The following CRABP2 variants were observed in gnomAD, a reference collection of about 807,000 sequenced individuals.
CRABP2 encodes the protein cellular retinoic acid binding protein 2.
Under a neutral mutation model 17.9 loss-of-function variants are expected in CRABP2, and 20 were observed. The ratio of observed to expected loss-of-function variants is 1.12; its 90% confidence interval spans 0.79 to 1.63. CRABP2 has a LOEUF of 1.63. Ranked by LOEUF, CRABP2 falls within the 40% of genes most tolerant of loss-of-function variation. The pLI, the probability that CRABP2 is intolerant of heterozygous loss-of-function variation, is 0.00. For synonymous variants in CRABP2, 76 were observed against 66.4 expected, an observed-to-expected ratio of 1.14 and a Z score of -0.70; for missense variants, 151 against 168.6, an observed-to-expected ratio of 0.90 and a Z score of 0.58.
chr1:156,702,456 C>CA (rs1458900769), intron 1 of CRABP2, among the ~76,000 whole-genome samples: 16 of 145,976 alleles, frequency 1.1e-4, no homozygotes, highest in African/African-American at 3.5e-4. Flanking sequence ...GACTCCATCT[C>CA]AAAAAAAACA....
Position 156,699,876 on chromosome 1 carries a change from C to A in CRABP2, c.*150G>T, listed in dbSNP as rs1450342531. On this transcript the variant is annotated 3_prime_UTR_variant, in exon 4 of 4. Transcript: ENST00000368222. ...AGAGAAGAGGTCAAAGAAAGCAAGACCCTGCAAGAGGCATCCCAGTGACCC... is the reference window on the plus strand; with the variant it reads ...AGAGAAGAGGTCAAAGAAAGCAAGAACCTGCAAGAGGCATCCCAGTGACCC... 4.1e-6 allele frequency: 3 copies of A among 726,138 alleles called. No individual in the cohort carries two copies. The highest frequency in any genetic ancestry group is 5.5e-5 in the East Asian group (2 of 36,222). The allele number at this position is 726,138 out of a possible 1,614,324, so 45.0% of individuals were successfully genotyped here.
In CRABP2 at chr1:156,705,159, GT is replaced by G. The variant is rs1648156931; in HGVS notation, c.70+217del. Among the ~76,000 whole-genome samples, 1 of 152,242 alleles carries G rather than the reference GT, an allele frequency of 6.6e-6. No individual in the cohort carries two copies. The highest frequency in any genetic ancestry group is 2.4e-5 in the African/African-American group (1 of 41,478). ...TTTCTACGTGATTCACAGGCCGTGA[GT>G]CACCGCAGTGTTGGCACCGGTGGGC... On this transcript the variant is annotated intron_variant, in intron 1 of 3. Transcript: ENST00000368222. The surrounding 1 kb of genome is among the most constrained non-coding windows in gnomAD (Gnocchi z 5.2).
chr1:156,702,098 C>A (rs1648054396), intron 1 of CRABP2, among the ~76,000 whole-genome samples: 1 of 151,782 alleles, frequency 6.6e-6, no homozygotes, highest in Non-Finnish European at 1.5e-5. Flanking sequence ...TTGTAATGAA[C>A]CGAGATCATA....
At position 156,701,020 on chromosome 1, in the gene CRABP2, C is replaced by A; in HGVS notation, c.103G>T (p.Ala35Ser). 3.1e-6 allele frequency: 5 copies of A among 1,614,136 alleles called. No homozygotes were observed. Among genetic ancestry groups the A allele is most frequent in the Non-Finnish European group, 4.2e-6 (5 of 1,180,020 alleles). Reference sequence around the variant, plus strand: ...TCCACTGCTGGCTTGGACGCTGCAGCCACAGCAATCTTCCTCAGCATCACA... The same window carrying A: ...TCCACTGCTGGCTTGGACGCTGCAGACACAGCAATCTTCCTCAGCATCACA... ...VNVMLRKIAVAAASKPAVEIK... is the reference protein window; with the variant it reads ...VNVMLRKIAVSAASKPAVEIK... Residue 35 changes from alanine to serine, a missense_variant, in exon 2 of 4, where the codon GCT becomes TCT. Ala to Ser is a moderately conservative substitution (Grantham distance 99, BLOSUM62 1). Coordinates refer to ENST00000368222, the MANE Select transcript of CRABP2 (RefSeq NM_001878.4).
intron 3 of CRABP2, among the ~76,000 whole-genome samples, 197 bp from the exon 4 acceptor site, chr1:156,700,273 GTCC>G (rs1647988695): frequency 6.6e-6 from 1 of 152,068 alleles, no homozygotes; most frequent in Non-Finnish European, 1.5e-5. Flanking sequence ...CCTGGGGCCC[GTCC>G]TCCTCCTCAA....
In CRABP2 at chr1:156,700,798, A is replaced by G. The variant is rs141866388; in HGVS notation, c.249+76T>C. The stretch of plus-strand genomic sequence containing the variant: ...TGGGACAGAGAGAAGCTAGGAGTTA[A>G]CTGCTAGCCTGGAAAATGGCAGGTT... On this transcript the variant is annotated intron_variant, in intron 2 of 3. Transcript: ENST00000368222. The G allele has an allele frequency of 8.9e-4, 1,391 of 1,564,384 alleles. 18 individuals carry two copies. In the African/African-American group the frequency reaches 0.017, roughly 19 times the overall value.
In CRABP2 at chr1:156,699,961, G is replaced by T; in HGVS notation, c.*65C>A. ...AGAAGGAGGGGGTGGGACGGAGGGG[G>T]CAGTGAAGCAGGGCGGTGAGCATGG... On this transcript the variant is annotated 3_prime_UTR_variant, in exon 4 of 4. Transcript: ENST00000368222. 3.9e-6 allele frequency: 6 copies of T among 1,528,582 alleles called. No individual in the cohort carries two copies. The highest frequency in any genetic ancestry group is 5.4e-6 in the Non-Finnish European group (6 of 1,116,126). 94.7% of individuals were successfully genotyped at this position (1,528,582 alleles called of 1,614,324 possible).
chr1:156,705,749 G>A (rs1648176792), upstream of CRABP2: 7 of 367,918 alleles, frequency 1.9e-5, no homozygotes, highest in East Asian at 2.6e-4. This position sits in a 1 kb window ranked among gnomAD's most constrained non-coding sequence, Gnocchi z 5.2. Flanking sequence ...CTTCTCTGGG[G>A]ACCGAGATAG....
intron 1 of CRABP2, among the ~76,000 whole-genome samples, chr1:156,701,584 A>G (rs1468545441): frequency 6.6e-6 from 1 of 151,946 alleles, no homozygotes; most frequent in Non-Finnish European, 1.5e-5. Context: ...TTTTTGCCCT[A>G]TCTACCCACC....
Position 156,700,646 on chromosome 1 carries a change from A to C in CRABP2, c.262T>G (p.Trp88Gly), listed in dbSNP as rs1232932071. The C allele has an allele frequency of 6.2e-7, 1 of 1,613,784 alleles. No homozygotes were observed. Among genetic ancestry groups the C allele is most frequent in the African/African-American group, 1.3e-5 (1 of 74,872 alleles). The change falls in exon 3 of 4, where the codon TGG becomes GGG. Residue 88 changes from tryptophan to glycine, a missense_variant. Physicochemically the swap from Trp to Gly is radical, Grantham distance 184. Coordinates refer to ENST00000368222, the MANE Select transcript of CRABP2 (RefSeq NM_001878.4). ...CAGACCATTTTATTCTCACTCTCCC[A>C]TTTCACCAGGCTCTGCAAGAGACAG... is the stretch of plus-strand genomic sequence containing the variant. ...DGRPCKSLVK[W>G]ESENKMVCEQ...
Position 156,699,686 on chromosome 1 carries a change from G to T in CRABP2, c.*340C>A. 3.3e-6 allele frequency: 1 copy of T among 299,692 alleles called. No individual in the cohort carries two copies. Among genetic ancestry groups the T allele is most frequent in the South Asian group, 8.9e-5 (1 of 11,178 alleles). The allele number at this position is 299,692 out of a possible 1,614,324, so 18.6% of individuals were successfully genotyped here. ...TAGGCTACAGGGACAAAGGGTAGAA[G>T]CTAGAGGGCCAGTCTTTCCTGCTCA... On this transcript the variant is annotated 3_prime_UTR_variant, in exon 4 of 4. Transcript: ENST00000368222.
chr1:156,701,249 G>A (rs532270904), intron 1 of CRABP2, among the ~76,000 whole-genome samples, 197 bp from the exon 2 acceptor site: 2 of 152,220 alleles, frequency 1.3e-5, no homozygotes, highest in East Asian at 3.9e-4. Context: ...TGAAAGATGA[G>A]GGGGTTTAGG....
chr1:156,700,810 G>A, intron 2 of CRABP2, 64 bp downstream of exon 2: 1 of 1,578,750 alleles, frequency 6.3e-7, no homozygotes, highest in Non-Finnish European at 8.7e-7. Context: ...TGCTAGCCTG[G>A]AAAATGGCAG....
intron 1 of CRABP2, 149 bp from the exon 2 acceptor site, chr1:156,701,201 A>C (rs1648022778): frequency 1.3e-6 from 1 of 782,752 alleles, no homozygotes. Context: ...TGGGTGTCTA[A>C]GAAAGTGCCT....
At position 156,701,013 on chromosome 1, in the gene CRABP2, G is replaced by A. The variant is rs949095538; in HGVS notation, c.110C>T (p.Ala37Val). ...VMLRKIAVAA[A>V]SKPAVEIKQE... ...TTTGATCTCCACTGCTGGCTTGGACGCTGCAGCCACAGCAATCTTCCTCAG... is the reference window on the plus strand; with the variant it reads ...TTTGATCTCCACTGCTGGCTTGGACACTGCAGCCACAGCAATCTTCCTCAG... Residue 37 changes from alanine to valine, a missense_variant, in exon 2 of 4, where the codon GCG (alanine) becomes GTG (valine). Coordinates refer to ENST00000368222, the MANE Select transcript of CRABP2 (RefSeq NM_001878.4). The A allele has an allele frequency of 1.3e-5, 21 of 1,614,000 alleles. No individual in the cohort carries two copies. Among genetic ancestry groups the A allele is most frequent in the South Asian group, 2.2e-5 (2 of 91,086 alleles).
Position 156,700,882 on chromosome 1 carries a change from G to T in CRABP2, c.241C>A (p.Pro81Thr), listed in dbSNP as rs775137730. The change falls in exon 2 of 4, where the codon CCC (proline) becomes ACC (threonine). Residue 81 changes from proline (P) to threonine (T), a missense_variant. By Grantham distance (38) the Pro-to-Thr change is conservative (BLOSUM62 -1). Coordinates refer to ENST00000368222, the MANE Select transcript of CRABP2 (RefSeq NM_001878.4). ...CCCCTTCTGGCACTCACCTTACAGGGCCTCCCATCCACAGTCTGCTCCTCA... is the reference window on the plus strand; with the variant it reads ...CCCCTTCTGGCACTCACCTTACAGGTCCTCCCATCCACAGTCTGCTCCTCA... ...EFEEQTVDGR[P>T]CKSLVKWESE... 9 of 1,613,554 alleles carry T rather than the reference G, an allele frequency of 5.6e-6. No individual in the cohort carries two copies. In the South Asian group the frequency reaches 8.8e-5, roughly 16 times the overall value.
At chr1:156,700,697 C>G in intron 2 of CRABP2, 39 bp from the exon 3 acceptor site, 1 of 1,579,662 alleles carries the variant, frequency 6.3e-7, no homozygotes, top group Admixed American at 1.7e-5. Context: ...GGGCCCATAG[C>G]AGGGGCAATG....
Position 156,700,464 on chromosome 1 carries a change from C to T in CRABP2, c.366+78G>A, listed in dbSNP as rs1647995229. 2.6e-6 allele frequency: 3 copies of T among 1,168,984 alleles called. No individual in the cohort carries two copies. The East Asian group carries it at 7.0e-5, about 27-fold the overall frequency. 72.4% of individuals were successfully genotyped at this position (1,168,984 alleles called of 1,614,324 possible). On this transcript the variant is annotated intron_variant, in intron 3 of 3. Transcript: ENST00000368222. ...TCCAGCCATGGTTGTTCTTGAGTCT[C>T]CTGCACCCTGGGGTCTCCCAGAGAA...
At chr1:156,702,659 C>A (rs559915645) in intron 1 of CRABP2, among the ~76,000 whole-genome samples, 1 of 150,776 alleles carries the variant, frequency 6.6e-6, no homozygotes, top group Non-Finnish European at 1.5e-5. Context: ...CTACTCCCAG[C>A]TGCTCGGGAG....
Sources: gnomAD v4.1 joint callset for allele counts (sites outside exome capture counted in the v4.1 genomes callset) on GRCh38, gnomAD v4.1.1 for gene constraint, Gnocchi (gnomAD v3.1) non-coding constraint, MANE v1.5 for transcripts, NCBI Gene and HGNC (gene_info 2026-07-23, HGNC 2026-07-21) for gene names.